Variants in ITPR2 observed in about 807,000 individuals in gnomAD.
ITPR2 encodes inositol 1,4,5-trisphosphate receptor type 2, also known as inositol 1,4,5-trisphosphate-gated calcium channel ITPR2.
A neutral mutation model predicts 317.1 loss-of-function variants in ITPR2; 207 were observed. The ratio of observed to expected loss-of-function variants is 0.65; its 90% CI spans 0.58 to 0.73. The LOEUF (loss-of-function observed/expected upper bound fraction) is 0.73, where lower values mean the gene tolerates loss of function less well. ITPR2 is among the 30% of genes least tolerant of loss of function. ITPR2 has a pLI of 0.00. For synonymous variants in ITPR2, 1,156 were observed against 1,149.1 expected (o/e 1.01, Z -0.12); for missense variants, 2,613 against 3,284.0 (o/e 0.80, Z 4.99).
chr12:26,715,149 C>T, intron 8 of ITPR2, 150 bp downstream of exon 8: 2 of 631,936 alleles, frequency 3.2e-6, no homozygotes, highest in Non-Finnish European at 5.2e-6. Flanking sequence ...AAATTGGTCA[C>T]AGCAATGAAT....
At chr12:26,707,119 C>T (rs111748486) in intron 9 of ITPR2, among the ~76,000 whole-genome samples, 2,771 of 152,272 alleles carry the variant, frequency 0.018, 83 homozygotes, top group African/African-American at 0.063. Flanking sequence ...CGCTGTCTTC[C>T]GAACTAGAAG....
rs551407990 is a variant in ITPR2, at chr12:26,627,887, G to A, written c.3064+146C>T. The A allele has an allele frequency of 4.1e-5, 28 of 682,034 alleles. No individual in the cohort carries two copies. The Admixed American group carries it at 4.3e-4, about 10-fold the overall frequency. The allele number at this position is 682,034 out of a possible 1,614,324, so 42.2% of individuals were successfully genotyped here. On this transcript the variant is annotated intron_variant, in intron 23 of 56. Coordinates refer to ENST00000381340, the MANE Select transcript of ITPR2 (RefSeq NM_002223.4). ...GTATACCTATGTAACAAATCTGCACGTTCTGCACATGTATCCCAGAACTTA... is the reference window on the plus strand; with the variant it reads ...GTATACCTATGTAACAAATCTGCACATTCTGCACATGTATCCCAGAACTTA...
At chr12:26,410,528 C>T (rs1412932684) in intron 52 of ITPR2, among the ~76,000 whole-genome samples, 3 of 152,292 alleles carry the variant, frequency 2.0e-5, no homozygotes, top group African/African-American at 7.2e-5. Flanking sequence ...TCCGCACCTA[C>T]ACTATGCTTA....
intron 21 of ITPR2, among the ~76,000 whole-genome samples, chr12:26,639,529 T>A (rs1311944982): frequency 6.6e-6 from 1 of 151,954 alleles, no homozygotes; most frequent in Non-Finnish European, 1.5e-5. Context: ...TGCTGGTTAG[T>A]TACATATGTA....
chr12:26,528,939 C>T (rs913801567), intron 37 of ITPR2, among the ~76,000 whole-genome samples: 7 of 152,130 alleles, frequency 4.6e-5, no homozygotes, highest in Admixed American at 1.3e-4. Context: ...TTTTGAACTC[C>T]TCTTTGTCTT....
intron 49 of ITPR2, chr12:26,419,456 A>G (rs1940822184): frequency 2.8e-6 from 1 of 357,854 alleles, no homozygotes; most frequent in Non-Finnish European, 5.1e-6. Flanking sequence ...TACATGCAAA[A>G]CTTGCATCCT....
chr12:26,439,490 C>T (rs1453776349), intron 46 of ITPR2, among the ~76,000 whole-genome samples, 171 bp from the exon 47 acceptor site: 1 of 152,120 alleles, frequency 6.6e-6, no homozygotes, highest in Non-Finnish European at 1.5e-5. Context: ...TTGTATTTTT[C>T]TCTTTAAAAA....
intron 1 of ITPR2, among the ~76,000 whole-genome samples, chr12:26,810,972 GT>G (rs1313284160): frequency 8.1e-6 from 1 of 124,028 alleles, no homozygotes; most frequent in Non-Finnish European, 1.6e-5. Flanking sequence ...GGTCTGTTCT[GT>G]TTTTTTAAAC....
chr12:26,495,090 A>T, intron 38 of ITPR2, 62 bp downstream of exon 38: 1 of 871,334 alleles, frequency 1.1e-6, no homozygotes, highest in Non-Finnish European at 2.0e-6. Flanking sequence ...ATACTAGAGT[A>T]ACACTGACAT....
At chr12:26,529,665 A>G (rs1202012008) in intron 37 of ITPR2, among the ~76,000 whole-genome samples, 2 of 152,224 alleles carry the variant, frequency 1.3e-5, no homozygotes, top group Non-Finnish European at 2.9e-5. Flanking sequence ...TGGAACAAGT[A>G]AAATAACCAA....
chr12:26,499,361 G>A (rs1943021249), intron 37 of ITPR2, among the ~76,000 whole-genome samples: 1 of 152,058 alleles, frequency 6.6e-6, no homozygotes, highest in South Asian at 2.1e-4. Flanking sequence ...CATAGAAAAG[G>A]CAGGGGCTTC....
rs762341363 is a variant in ITPR2 at position 26,599,166 on chromosome 12, G to A, written c.3981C>T (p.Cys1327=). 1 of 1,613,924 alleles carries A rather than the reference G, an allele frequency of 6.2e-7. No individual in the cohort carries two copies. Among genetic ancestry groups the A allele is most frequent in the Non-Finnish European group, 8.5e-7 (1 of 1,179,882 alleles). Residue 1327 remains cysteine, a synonymous_variant, in exon 30 of 57, where the codon TGC becomes TGT. Coordinates refer to ENST00000381340, the MANE Select transcript of ITPR2 (RefSeq NM_002223.4). ...VKADGKYVKK[C]QDMVMTELIN... is the part of the protein sequence containing the mutation. ...ATACCTCTGTCATTACCATATCCTG[G>A]CATTTCTTCACATATTTACCATCTG...
intron 12 of ITPR2, 131 bp from the exon 13 acceptor site, chr12:26,682,165 C>T (rs1218839872): frequency 1.5e-6 from 1 of 689,094 alleles, no homozygotes; most frequent in African/African-American, 1.8e-5. Flanking sequence ...CTCCCACATG[C>T]ATCATCCACT....
chr12:26,772,402 T>TAA (rs1004215708), intron 2 of ITPR2, among the ~76,000 whole-genome samples: 8 of 122,026 alleles, frequency 6.6e-5, no homozygotes, highest in African/African-American at 1.9e-4. Context: ...TATATATATA[T>TAA]AATATACACA....
intron 50 of ITPR2, among the ~76,000 whole-genome samples, chr12:26,416,213 T>C (rs1940715829): frequency 1.3e-5 from 2 of 152,188 alleles, no homozygotes; most frequent in Non-Finnish European, 2.9e-5. Context: ...TTGTCTTCAG[T>C]AGTAGAAAAT....
chr12:26,812,361 G>A (rs1439407239), intron 1 of ITPR2, among the ~76,000 whole-genome samples: 1 of 151,980 alleles, frequency 6.6e-6, no homozygotes, highest in Non-Finnish European at 1.5e-5. Flanking sequence ...GGCAGATCAC[G>A]AGGACAAGAG....
At chr12:26,667,830 G>T (rs763761716) in intron 13 of ITPR2, among the ~76,000 whole-genome samples, 1 of 151,966 alleles carries the variant, frequency 6.6e-6, no homozygotes, top group Non-Finnish European at 1.5e-5. Flanking sequence ...ACTACAGATC[G>T]CTCTGTTTCA....
intron 35 of ITPR2, among the ~76,000 whole-genome samples, chr12:26,558,300 T>C (rs1364342987): frequency 6.6e-6 from 1 of 152,202 alleles, no homozygotes; most frequent in African/African-American, 2.4e-5. Flanking sequence ...TTAACTCTTA[T>C]TTTGGTCATG....
At chr12:26,559,546 C>T (rs539078990) in intron 35 of ITPR2, among the ~76,000 whole-genome samples, 282 of 90,138 alleles carry the variant, frequency 3.1e-3, no homozygotes, top group Non-Finnish European at 5.7e-3. Context: ...GAAGACATCA[C>T]CTCCTAATAC....
Sources: allele counts gnomAD v4.1 joint callset (sites outside exome capture counted in the v4.1 genomes callset), GRCh38; gene constraint gnomAD v4.1.1; transcripts MANE v1.5; gene names NCBI Gene and HGNC (gene_info 2026-07-23, HGNC 2026-07-21).